Variants in SNX29 observed in about 807,000 individuals in gnomAD.
SNX29 encodes the protein sorting nexin-29.
A neutral mutation model predicts 102.1 loss-of-function variants in SNX29; 78 were observed. That is an observed-to-expected ratio of 0.76 (90% CI 0.64 to 0.92). The LOEUF is 0.92. Ranked by LOEUF, SNX29 falls within the 40% of genes least tolerant of loss-of-function variation. The probability of loss-of-function intolerance (pLI) is 0.00; values close to 1 mark genes in which losing one functional copy is unlikely to be tolerated. For synonymous variants in SNX29, 580 were observed against 414.5 expected, an observed-to-expected ratio of 1.40 and a Z score of -4.85; for missense variants, 1,280 against 1,061.7, an observed-to-expected ratio of 1.21 and a Z score of -2.86.
intron 16 of SNX29, among the ~76,000 whole-genome samples, chr16:12,368,589 G>C (rs916719824): frequency 6.6e-6 from 1 of 152,166 alleles, no homozygotes; most frequent in African/African-American, 2.4e-5. Flanking sequence ...GTGTCTCTCT[G>C]GCTTCACTTC....
At chr16:12,550,709 C>G (rs1011879430) in intron 20 of SNX29, among the ~76,000 whole-genome samples, 2 of 152,136 alleles carry the variant, frequency 1.3e-5, no homozygotes, top group Admixed American at 6.5e-5. Context: ...CCCTCATGCT[C>G]TTATTCTACA....
chr16:12,043,065 G>A lies in SNX29; in HGVS notation c.416G>A (p.Arg139His), dbSNP rs776209738. 9 of 1,613,198 alleles carry A rather than the reference G, an allele frequency of 5.6e-6. No homozygotes were observed. The South Asian group carries it at 6.6e-5, about 12-fold the overall frequency. The change falls in exon 5 of 21, where the codon CGC becomes CAC. Residue 139 changes from arginine to histidine, a missense_variant. Arg to His is a conservative substitution (Grantham distance 29, BLOSUM62 0). Coordinates refer to ENST00000566228, the MANE Select transcript of SNX29 (RefSeq NM_032167.5). ...TACCTGCACATGCTCCTGGCCGACC[G>A]CTGCAGGCTGAGGTACGTGGCCGGG... ...ERYLHMLLAD[R>H]CRLSTFYEDW...
At chr16:12,390,557 G>T (rs1453910311) in intron 16 of SNX29, among the ~76,000 whole-genome samples, 1 of 152,198 alleles carries the variant, frequency 6.6e-6, no homozygotes, top group Non-Finnish European at 1.5e-5. Context: ...GTGCAAATCT[G>T]TGGAATAAAC....
intron 14 of SNX29, among the ~76,000 whole-genome samples, chr16:12,203,854 A>C (rs1567308211): frequency 6.6e-6 from 1 of 152,200 alleles, no homozygotes; most frequent in African/African-American, 2.4e-5. Context: ...TCCGTGTCAC[A>C]TGGCTTGAGT....
At chr16:12,511,760 A>T (rs879730678) in intron 19 of SNX29, among the ~76,000 whole-genome samples, 1 of 151,932 alleles carries the variant, frequency 6.6e-6, no homozygotes, top group African/African-American at 2.4e-5. Context: ...TGGGGCTATG[A>T]TCTGTCATCC....
chr16:12,495,324 G>T (rs574881924), intron 19 of SNX29, among the ~76,000 whole-genome samples: 191 of 152,016 alleles, frequency 1.3e-3, no homozygotes, highest in African/African-American at 4.1e-3. Flanking sequence ...GCTAGTTTAT[G>T]TATTTTTAGT....
At chr16:12,554,448 C>T (rs112592278) in intron 20 of SNX29, among the ~76,000 whole-genome samples, 3 of 152,202 alleles carry the variant, frequency 2.0e-5, no homozygotes, top group African/African-American at 7.2e-5. Flanking sequence ...GCACACCTGC[C>T]ATGCCAGGTC....
chr16:12,264,009 G>C (rs2078853935), intron 14 of SNX29, among the ~76,000 whole-genome samples: 1 of 152,158 alleles, frequency 6.6e-6, no homozygotes, highest in South Asian at 2.1e-4. Flanking sequence ...TTCCGGACCA[G>C]GCACCCTTCT....
chr16:12,065,034 G>A (rs2050964139), intron 9 of SNX29, among the ~76,000 whole-genome samples: 1 of 152,212 alleles, frequency 6.6e-6, no homozygotes, highest in Non-Finnish European at 1.5e-5. Flanking sequence ...GGCTGGGAGA[G>A]GATGCTTTCT....
At chr16:12,107,092 C>G (rs12446312) in intron 11 of SNX29, among the ~76,000 whole-genome samples, 5 of 152,190 alleles carry the variant, frequency 3.3e-5, no homozygotes, top group East Asian at 3.9e-4. Context: ...TGCTGGGATT[C>G]CAGGTGCGGG....
chr16:12,476,389 T>TATATATATATATATATAC (rs1461390880), intron 18 of SNX29, among the ~76,000 whole-genome samples: 1 of 13,960 alleles, frequency 7.2e-5, no homozygotes. Context: ...AAAAAATATA[T>TATATATATATATATATAC]ATATATATAT....
In SNX29 at chr16:12,343,086, C is replaced by T. The variant is rs547732319; in HGVS notation, c.1783-13077C>T. ...TGAAACTTGGACATAATTTATTGAG[C>T]CCGTGGTTGAAATATTCAGGAGGTC... On this transcript the variant is annotated intron_variant, in intron 15 of 20. Transcript: ENST00000566228. Among the ~76,000 whole-genome samples the T allele has an allele frequency of 2.6e-5, 4 of 152,266 alleles. No individual in the cohort carries two copies. In the East Asian group the frequency reaches 5.8e-4, roughly 22 times the overall value.
At chr16:12,101,991 C>T (rs1567207640) in intron 11 of SNX29, among the ~76,000 whole-genome samples, 1 of 152,128 alleles carries the variant, frequency 6.6e-6, no homozygotes, top group Non-Finnish European at 1.5e-5. Flanking sequence ...TGTTCAACTC[C>T]CACCTATGAG....
chr16:12,329,818 G>C (rs2081243162), intron 15 of SNX29, among the ~76,000 whole-genome samples: 1 of 152,188 alleles, frequency 6.6e-6, no homozygotes, highest in South Asian at 2.1e-4. Flanking sequence ...GTATTTTTCA[G>C]ACCTGTTCTT....
intron 16 of SNX29, among the ~76,000 whole-genome samples, chr16:12,385,295 G>T (rs1412437911): frequency 1.3e-5 from 2 of 152,218 alleles, no homozygotes; most frequent in African/African-American, 4.8e-5. Context: ...ACAGACCCAC[G>T]TCTGGGGACT....
chr16:12,217,807 G>A (rs942076204), intron 14 of SNX29, among the ~76,000 whole-genome samples: 3 of 152,240 alleles, frequency 2.0e-5, no homozygotes, highest in African/African-American at 7.2e-5. Flanking sequence ...TCATGCTCAT[G>A]TCATTTGGGG....
intron 5 of SNX29, 52 bp from the exon 6 acceptor site, chr16:12,046,332 G>C: frequency 6.3e-7 from 1 of 1,589,352 alleles, no homozygotes; most frequent in Non-Finnish European, 8.6e-7. Flanking sequence ...CTGGTTAATG[G>C]ACACAGAGAA....
intron 18 of SNX29, among the ~76,000 whole-genome samples, chr16:12,431,317 A>G (rs558826826): frequency 6.6e-6 from 1 of 150,616 alleles, no homozygotes; most frequent in South Asian, 2.1e-4. Flanking sequence ...GATCCTGAGA[A>G]CATCCCTCCA....
chr16:12,527,263 C>T (rs780721790), intron 20 of SNX29: 3 of 532,972 alleles, frequency 5.6e-6, no homozygotes, highest in East Asian at 7.9e-5. Flanking sequence ...GACGAATCTC[C>T]ATGTGATCGT....
Sources: allele counts gnomAD v4.1 joint callset (sites outside exome capture counted in the v4.1 genomes callset), GRCh38; gene constraint gnomAD v4.1.1; transcripts MANE v1.5; gene names NCBI Gene and HGNC (gene_info 2026-07-23, HGNC 2026-07-21).